The following BICC1 variants were observed in gnomAD, a reference collection of about 807,000 sequenced individuals.
BICC1 encodes protein bicaudal C homolog 1.
A neutral mutation model predicts 111.0 loss-of-function variants in BICC1; 43 were observed. That is an observed-to-expected ratio of 0.39 (90% CI 0.30 to 0.50). The LOEUF (loss-of-function observed/expected upper bound fraction) is 0.50. BICC1 is among the 20% of genes least tolerant of loss of function. The probability of loss-of-function intolerance (pLI) is 0.88; values close to 1 mark genes in which losing one functional copy is unlikely to be tolerated. For missense variants in BICC1, 1,091 were observed against 1,203.2 expected, an observed-to-expected ratio of 0.91 and a Z score of 1.38; for synonymous variants, 467 against 434.4, an observed-to-expected ratio of 1.07 and a Z score of -0.93.
At chr10:58,566,489 A>G (rs1843768975) in intron 1 of BICC1, among the ~76,000 whole-genome samples, 1 of 152,056 alleles carries the variant, frequency 6.6e-6, no homozygotes, top group South Asian at 2.1e-4. Context: ...CTTTTTGTAT[A>G]ATGACTTCTT....
At chr10:58,759,002 C>T (rs1842227224) in intron 3 of BICC1, among the ~76,000 whole-genome samples, 1 of 151,636 alleles carries the variant, frequency 6.6e-6, no homozygotes, top group Admixed American at 6.6e-5. Context: ...CTTTGTCACT[C>T]AGGCTGGAGT....
chr10:58,529,365 T>G lies in BICC1; in HGVS notation c.190+16032T>G, dbSNP rs1842623699. ...CTGTATCTGTCCAGATTTCAAGTAT[T>G]TTCAGAATTGTTTTAATTGCTTGTT... On this transcript the variant is annotated intron_variant, in intron 1 of 20. Transcript: ENST00000373886. 2.0e-5 allele frequency among the ~76,000 whole-genome samples: 3 copies of G among 152,010 alleles called. No individual in the cohort carries two copies. The South Asian group carries it at 6.2e-4, about 32-fold the overall frequency.
intron 20 of BICC1, among the ~76,000 whole-genome samples, chr10:58,828,552 C>T (rs1000504605): frequency 2.6e-5 from 4 of 152,136 alleles, no homozygotes; most frequent in Admixed American, 1.3e-4. Context: ...CCTTTGTTCT[C>T]TAGACTATCA....
chr10:58,631,447 T>C (rs1369221557), intron 2 of BICC1, among the ~76,000 whole-genome samples: 3 of 152,136 alleles, frequency 2.0e-5, no homozygotes, highest in African/African-American at 4.8e-5. Flanking sequence ...GAGTTGTCTT[T>C]TGGCATTTTA....
At chr10:58,715,492 T>G (rs1378830610) in intron 3 of BICC1, 1 of 963,522 alleles carries the variant, frequency 1.0e-6, no homozygotes, top group African/African-American at 1.6e-5. Context: ...TGGCAGGCCC[T>G]CTTCGGCCAT....
chr10:58,758,166 G>C (rs1176917442), intron 3 of BICC1, among the ~76,000 whole-genome samples: 1 of 151,884 alleles, frequency 6.6e-6, no homozygotes, highest in East Asian at 1.9e-4. Context: ...AATTTTTTTT[G>C]GTTGGAAAAA....
chr10:58,783,086 C>A (rs928060743), intron 3 of BICC1, among the ~76,000 whole-genome samples: 1 of 152,130 alleles, frequency 6.6e-6, no homozygotes, highest in Non-Finnish European at 1.5e-5. Context: ...AAGTTTTAAC[C>A]ACTCTTAAGA....
At chr10:58,687,040 A>T (rs1839754660) in intron 2 of BICC1, among the ~76,000 whole-genome samples, 1 of 152,184 alleles carries the variant, frequency 6.6e-6, no homozygotes, top group Non-Finnish European at 1.5e-5. Context: ...GGTGATGTAC[A>T]GATGGGGTTT....
intron 1 of BICC1, among the ~76,000 whole-genome samples, chr10:58,572,968 T>G (rs542627854): frequency 6.6e-6 from 1 of 152,314 alleles, no homozygotes; most frequent in South Asian, 2.1e-4. Flanking sequence ...ATATAGGTAT[T>G]TTGTTTATCT....
chr10:58,774,874 T>G (rs558145704), intron 3 of BICC1, among the ~76,000 whole-genome samples: 1 of 152,310 alleles, frequency 6.6e-6, no homozygotes, highest in South Asian at 2.1e-4. Context: ...TTTTGCCCAT[T>G]TCCTTAAGGG....
chr10:58,798,676 T>TTA (rs1843438297), intron 11 of BICC1, 116 bp downstream of exon 11: 10 of 951,006 alleles, frequency 1.1e-5, no homozygotes, highest in Non-Finnish European at 1.3e-5. Context: ...CAAAGCATAC[T>TTA]CCATTGAAAC....
At chr10:58,753,502 C>T (rs1163411318) in intron 3 of BICC1, among the ~76,000 whole-genome samples, 1 of 152,068 alleles carries the variant, frequency 6.6e-6, no homozygotes, top group Non-Finnish European at 1.5e-5. Flanking sequence ...TTTGATCCAT[C>T]TGGAATATGT....
chr10:58,733,014 AAATTTGTTT>A (rs1841363627), intron 3 of BICC1, among the ~76,000 whole-genome samples: 3 of 30,242 alleles, frequency 9.9e-5, no homozygotes, highest in Non-Finnish European at 1.8e-4. Context: ...CACAAACCTT[AAATTTGTTT>A]AAAAAAAAAG....
chr10:58,534,491 G>C (rs1041500552), intron 1 of BICC1, among the ~76,000 whole-genome samples: 2 of 151,586 alleles, frequency 1.3e-5, no homozygotes, highest in Non-Finnish European at 2.9e-5. Context: ...CTTATACAGA[G>C]TCTTCACCAC....
intron 3 of BICC1, among the ~76,000 whole-genome samples, chr10:58,736,142 G>T (rs1341073479): frequency 6.6e-6 from 1 of 152,180 alleles, no homozygotes; most frequent in Admixed American, 6.6e-5. Context: ...TGGGGCAGGG[G>T]ATGAAATGGA....
chr10:58,739,163 AG>A (rs2132594367), intron 3 of BICC1, among the ~76,000 whole-genome samples: 1 of 152,286 alleles, frequency 6.6e-6, no homozygotes, highest in East Asian at 1.9e-4. Context: ...GTCTTGTGCC[AG>A]TTTTCAAAGG....
chr10:58,630,601 T>A (rs1837763063), intron 2 of BICC1, among the ~76,000 whole-genome samples: 1 of 152,172 alleles, frequency 6.6e-6, no homozygotes, highest in African/African-American at 2.4e-5. Context: ...GCTTTCAGGT[T>A]CTGATCTATA....
chr10:58,520,842 A>T (rs561373360), intron 1 of BICC1, among the ~76,000 whole-genome samples: 9 of 149,316 alleles, frequency 6.0e-5, no homozygotes, highest in African/African-American at 2.3e-4. Flanking sequence ...TATTTTAGGA[A>T]TTTTTTTCCT....
chr10:58,662,060 T>A (rs77206235), intron 2 of BICC1, among the ~76,000 whole-genome samples: 1 of 152,190 alleles, frequency 6.6e-6, no homozygotes, highest in African/African-American at 2.4e-5. Flanking sequence ...AGTGAGGTCC[T>A]TTGAGAGGCA....
Sources: gnomAD v4.1 joint callset for allele counts (sites outside exome capture counted in the v4.1 genomes callset) on GRCh38, gnomAD v4.1.1 for gene constraint, MANE v1.5 for transcripts, NCBI Gene and HGNC (gene_info 2026-07-23, HGNC 2026-07-21) for gene names.